Variants in NINL observed in about 807,000 individuals in gnomAD.
NINL encodes ninein-like protein.
In NINL, 153 loss-of-function variants were observed where a neutral mutation model predicts 160.3. The ratio of observed to expected loss-of-function variants is 0.95; its 90% CI spans 0.84 to 1.09. The LOEUF (loss-of-function observed/expected upper bound fraction) is 1.09, where lower values mean the gene tolerates loss of function less well. Ranked by LOEUF, NINL falls within the 50% of genes least tolerant of loss-of-function variation. NINL has a pLI of 0.00. For missense variants in NINL, 1,829 were observed against 1,764.0 expected (o/e 1.04, Z -0.66); for synonymous variants, 800 against 734.8 (o/e 1.09, Z -1.43).
intron 13 of NINL, among the ~76,000 whole-genome samples, chr20:25,486,157 C>T (rs1442131211): frequency 2.0e-5 from 3 of 152,096 alleles, no homozygotes; most frequent in African/African-American, 7.2e-5. Context: ...GTGCTCTGTG[C>T]ACTAGTTTTG....
At chr20:25,466,598 G>A (rs571707679) in intron 19 of NINL, among the ~76,000 whole-genome samples, 5 of 152,006 alleles carry the variant, frequency 3.3e-5, no homozygotes, top group Admixed American at 2.6e-4. Context: ...TCAGGAGTTC[G>A]AGACCGGCCT....
chr20:25,462,301 C>A, intron 20 of NINL, 82 bp downstream of exon 20: 1 of 1,345,394 alleles, frequency 7.4e-7, no homozygotes, highest in South Asian at 1.4e-5. Flanking sequence ...CTCCTCAGCG[C>A]GTGTCCTGAC....
intron 1 of NINL, among the ~76,000 whole-genome samples, chr20:25,578,074 T>C (rs2065136099): frequency 6.6e-6 from 1 of 151,336 alleles, no homozygotes; most frequent in African/African-American, 2.4e-5. Flanking sequence ...TCAGGTGATC[T>C]GCCTGCCTCG....
intron 1 of NINL, among the ~76,000 whole-genome samples, chr20:25,572,029 C>T (rs1397004536): frequency 6.6e-6 from 1 of 152,046 alleles, no homozygotes; most frequent in Non-Finnish European, 1.5e-5. Flanking sequence ...AAACACTAAC[C>T]AAGAGAACTC....
At chr20:25,565,604 A>T (rs781036572) in intron 1 of NINL, among the ~76,000 whole-genome samples, 2 of 152,238 alleles carry the variant, frequency 1.3e-5, no homozygotes, top group Admixed American at 1.3e-4. Flanking sequence ...TGGAGGGGCA[A>T]GATAAAAACT....
At chr20:25,473,224 C>T (rs551813725) in intron 17 of NINL, among the ~76,000 whole-genome samples, 7 of 152,158 alleles carry the variant, frequency 4.6e-5, no homozygotes, top group Non-Finnish European at 7.4e-5. Flanking sequence ...TTGTTCTGGG[C>T]GCTGGTAACA....
At chr20:25,514,470 T>C (rs1321170694) in intron 3 of NINL, among the ~76,000 whole-genome samples, 2 of 152,232 alleles carry the variant, frequency 1.3e-5, no homozygotes, top group East Asian at 1.9e-4. Flanking sequence ...TGTGAAAGTT[T>C]GGAAAATTTG....
chr20:25,530,914 G>A (rs1042279434), intron 1 of NINL, among the ~76,000 whole-genome samples: 1 of 152,200 alleles, frequency 6.6e-6, no homozygotes, highest in African/African-American at 2.4e-5. Flanking sequence ...TCAGGAGACA[G>A]GGTTTGAGAG....
chr20:25,546,794 T>C (rs574438963), intron 1 of NINL, among the ~76,000 whole-genome samples: 1 of 151,608 alleles, frequency 6.6e-6, no homozygotes, highest in East Asian at 2.0e-4. Flanking sequence ...TTTTCGCTTG[T>C]CAGACTGTGC....
intron 1 of NINL, among the ~76,000 whole-genome samples, chr20:25,585,251 C>G (rs901675312): frequency 5.3e-5 from 8 of 152,312 alleles, no homozygotes; most frequent in South Asian, 2.1e-4. Flanking sequence ...GGCGTGACCC[C>G]CGCCCCGCCC....
intron 17 of NINL, among the ~76,000 whole-genome samples, chr20:25,474,717 C>T (rs909380915): frequency 1.3e-5 from 2 of 151,450 alleles, no homozygotes; most frequent in Admixed American, 1.3e-4. Context: ...CAGGTTCAAG[C>T]GATTCTCCTG....
At chr20:25,531,217 C>T (rs2064453763) in intron 1 of NINL, among the ~76,000 whole-genome samples, 1 of 152,228 alleles carries the variant, frequency 6.6e-6, no homozygotes, top group African/African-American at 2.4e-5. Context: ...AAGGTTATCT[C>T]TCTTGTTCCC....
chr20:25,462,808 C>T (rs980411020), intron 19 of NINL: 20 of 331,784 alleles, frequency 6.0e-5, no homozygotes, highest in Non-Finnish European at 1.0e-4. Flanking sequence ...GCACACGTCA[C>T]CACTCCCACC....
In NINL at chr20:25,453,694, C is replaced by G. The variant is rs1011160832; in HGVS notation, c.3958-52G>C. On this transcript the variant is annotated intron_variant, in intron 23 of 23. Transcript: ENST00000278886. ...GCATGAGGCCGGTGGAGAAACGCTA[C>G]AGATCAGCCTGCTCTCTTTTATCCT... The G allele has an allele frequency of 2.0e-6, 3 of 1,488,024 alleles. No homozygotes were observed. In the African/African-American group the frequency reaches 4.2e-5, roughly 21 times the overall value. 92.2% of individuals were successfully genotyped at this position (1,488,024 alleles called of 1,614,324 possible).
At chr20:25,569,802 C>T (rs2065034352) in intron 1 of NINL, among the ~76,000 whole-genome samples, 1 of 152,178 alleles carries the variant, frequency 6.6e-6, no homozygotes, top group Non-Finnish European at 1.5e-5. Context: ...AGCCCCACTA[C>T]CCTTGTCACT....
chr20:25,552,561 C>T (rs1356715692), intron 1 of NINL, among the ~76,000 whole-genome samples: 1 of 152,216 alleles, frequency 6.6e-6, no homozygotes, highest in Non-Finnish European at 1.5e-5. Flanking sequence ...GCCATGCTGG[C>T]ACTATACAGA....
chr20:25,505,199 G>C (rs1018893570), intron 5 of NINL, 121 bp from the exon 6 acceptor site: 5 of 916,334 alleles, frequency 5.5e-6, no homozygotes, highest in Non-Finnish European at 7.9e-6. Flanking sequence ...AGGACATTAC[G>C]CTAAGTGAAA....
intron 16 of NINL, 142 bp from the exon 17 acceptor site, chr20:25,477,231 C>T (rs747987395): frequency 3.8e-6 from 3 of 793,500 alleles, no homozygotes; most frequent in Non-Finnish European, 5.8e-6. Flanking sequence ...TCCCTCAGCC[C>T]TGGCTTCAAC....
chr20:25,502,749 G>A (rs1011048578), intron 7 of NINL, among the ~76,000 whole-genome samples: 32 of 151,952 alleles, frequency 2.1e-4, no homozygotes, highest in African/African-American at 5.8e-4. Context: ...CTCCCCCCTC[G>A]CTTTCTTGCT....
Sources: allele counts gnomAD v4.1 joint callset (sites outside exome capture counted in the v4.1 genomes callset), GRCh38; gene constraint gnomAD v4.1.1; transcripts MANE v1.5; gene names NCBI Gene and HGNC (gene_info 2026-07-23, HGNC 2026-07-21).